The following ZNF567 variants were observed in gnomAD, a reference collection of about 807,000 sequenced individuals.
The protein encoded by ZNF567 is zinc finger protein 567.
ZNF567 carries 36 observed loss-of-function variants against 53.9 expected under a neutral mutation model. The observed-to-expected ratio is 0.67, with a 90% CI of 0.51 to 0.88. The LOEUF (loss-of-function observed/expected upper bound fraction) is 0.88. Ranked by LOEUF, ZNF567 falls within the 40% of genes least tolerant of loss-of-function variation. ZNF567 has a pLI of 0.00. For synonymous variants in ZNF567, 224 were observed against 260.4 expected (o/e 0.86, Z 1.35); for missense variants, 619 against 764.7 (o/e 0.81, Z 2.25).
chr19:36,718,312 G>A (rs1364129525), intron 5 of ZNF567, among the ~76,000 whole-genome samples: 1 of 151,932 alleles, frequency 6.6e-6, no homozygotes, highest in Non-Finnish European at 1.5e-5. Flanking sequence ...AACCTGGCCA[G>A]CATGGTGAAA....
chr19:36,714,564 TC>T (rs1282980596), intron 5 of ZNF567: 2 of 396,834 alleles, frequency 5.0e-6, no homozygotes, highest in Non-Finnish European at 8.9e-6. Context: ...TTCCTTTCCT[TC>T]ATACCACCTC....
downstream of ZNF567, chr19:36,723,184 T>G: frequency 1.4e-6 from 1 of 702,944 alleles, no homozygotes; most frequent in Non-Finnish European, 2.6e-6. Flanking sequence ...ACCTTGTTTT[T>G]CTAGGTGGAG....
Position 36,719,358 on chromosome 19 carries a change from T to C in ZNF567, c.634T>C (p.Tyr212His). 11 of 1,613,824 alleles carry C rather than the reference T, an allele frequency of 6.8e-6. No individual in the cohort carries two copies. The highest frequency in any genetic ancestry group is 9.3e-6 in the Non-Finnish European group (11 of 1,179,918). Residue 212 changes from tyrosine to histidine, a missense_variant, in exon 6 of 6, where the codon TAT (tyrosine) becomes CAT (histidine). Coordinates refer to ENST00000682579, the MANE Select transcript of ZNF567 (RefSeq NM_001322917.1). ...KTETPAQSFG[Y>H]NDCEKSFLQR... ...GGAAACTCCAGCACAGTCATTTGGATATAATGACTGTGAGAAATCATTCCT... is the reference window on the plus strand; with the variant it reads ...GGAAACTCCAGCACAGTCATTTGGACATAATGACTGTGAGAAATCATTCCT...
intron 3 of ZNF567, among the ~76,000 whole-genome samples, chr19:36,707,671 G>C (rs1438395671): frequency 1.3e-5 from 2 of 152,074 alleles, no homozygotes; most frequent in Non-Finnish European, 2.9e-5. Context: ...TCTGCCTTCC[G>C]GGTTTAAGTG....
Position 36,719,395 on chromosome 19 carries a change from G to A in ZNF567, c.671G>A (p.Gly224Asp), listed in dbSNP as rs192330763. ...DCEKSFLQRGGLITHSRPYKG... is the reference protein window; with the variant it reads ...DCEKSFLQRGDLITHSRPYKG... ...GAGAAATCATTCCTTCAAAGGGGAG[G>A]CCTGATTACACATAGTAGACCTTAC... Residue 224 changes from glycine (G) to aspartate (D), a missense_variant, in exon 6 of 6, where the codon GGC becomes GAC. Coordinates refer to ENST00000682579, the MANE Select transcript of ZNF567 (RefSeq NM_001322917.1). 2.9e-5 allele frequency: 46 copies of A among 1,613,726 alleles called. No homozygotes were observed. The Admixed American group carries it at 5.5e-4, about 19-fold the overall frequency.
At chr19:36,698,914 T>C (rs1364466619) in intron 3 of ZNF567, among the ~76,000 whole-genome samples, 1 of 152,210 alleles carries the variant, frequency 6.6e-6, no homozygotes, top group East Asian at 1.9e-4. Flanking sequence ...ATGCAGAAGC[T>C]CTTTAGTTTA....
Position 36,719,301 on chromosome 19 carries a change from C to A in ZNF567, c.577C>A (p.His193Asn). ...SHNQSARAFS[H>N]NEVLMQYQKT... ...TAATCAAAGTGCCAGAGCTTTCAGTCATAATGAAGTTCTTATGCAGTATCA... is the reference window on the plus strand; with the variant it reads ...TAATCAAAGTGCCAGAGCTTTCAGTAATAATGAAGTTCTTATGCAGTATCA... Residue 193 changes from histidine (H) to asparagine (N), a missense_variant, in exon 6 of 6, where the codon CAT (histidine) becomes AAT (asparagine). Transcript: ENST00000682579. The A allele has an allele frequency of 6.2e-7, 1 of 1,613,784 alleles. No individual in the cohort carries two copies. The highest frequency in any genetic ancestry group is 1.1e-5 in the South Asian group (1 of 90,974).
chr19:36,692,711 A>G (rs965552801), intron 2 of ZNF567, among the ~76,000 whole-genome samples: 7 of 152,190 alleles, frequency 4.6e-5, no homozygotes, highest in Non-Finnish European at 8.8e-5. Context: ...TGCTATGGTT[A>G]TGGAAGATGT....
chr19:36,713,451 CAA>C (rs34536917), intron 5 of ZNF567, among the ~76,000 whole-genome samples: 1 of 136,784 alleles, frequency 7.3e-6, no homozygotes, highest in Non-Finnish European at 1.6e-5. Context: ...GAGCCTGTCT[CAA>C]AAAAAAAAAA....
At chr19:36,674,456 C>A in the ZNF567 span, among the ~76,000 whole-genome samples, 1 of 152,114 alleles carries the variant, frequency 6.6e-6, no homozygotes, top group Non-Finnish European at 1.5e-5. Flanking sequence ...ATGTGTATGC[C>A]TTACAGATTA....
chr19:36,707,927 A>G (rs1056051176), intron 3 of ZNF567, among the ~76,000 whole-genome samples: 3 of 150,976 alleles, frequency 2.0e-5, no homozygotes, highest in Non-Finnish European at 4.4e-5. Context: ...TTTGTTTGAG[A>G]CTCTGTTGCC....
intron 3 of ZNF567, among the ~76,000 whole-genome samples, chr19:36,709,742 A>T (rs576361200): frequency 6.6e-6 from 1 of 152,214 alleles, no homozygotes; most frequent in South Asian, 2.1e-4. Context: ...CAGATTACAA[A>T]AGTAAGCCAC....
chr19:36,680,036 C>T, the ZNF567 span, among the ~76,000 whole-genome samples: 1 of 152,046 alleles, frequency 6.6e-6, no homozygotes, highest in African/African-American at 2.4e-5. Context: ...TGCTAACCAG[C>T]CTGATTTGAT....
chr19:36,680,794 ACT>A, the ZNF567 span, among the ~76,000 whole-genome samples: 2 of 152,122 alleles, frequency 1.3e-5, no homozygotes, highest in African/African-American at 4.8e-5. Context: ...TGGCCCCATC[ACT>A]GAGATTTCCA....
downstream of ZNF567, chr19:36,726,982 T>TTCTTTCTTTCTTTCTTTCTTTC (rs375360156): frequency 7.2e-5 from 4 of 55,414 alleles, no homozygotes; most frequent in South Asian, 5.8e-4. Context: ...CTTTCTTTCT[T>TTCTTTCTTTCTTTCTTTCTTTC]TTTCTTTCTT....
chr19:36,693,992 A>T (rs1382230785), intron 2 of ZNF567, among the ~76,000 whole-genome samples: 1 of 152,196 alleles, frequency 6.6e-6, no homozygotes, highest in Non-Finnish European at 1.5e-5. Context: ...GACCAGCCTG[A>T]GCAACATTGC....
rs967751255 is a variant in ZNF567, at chr19:36,695,420, T to C, written c.9+544T>C. Among the ~76,000 whole-genome samples, 9 of 151,896 alleles carry C rather than the reference T, an allele frequency of 5.9e-5. No individual in the cohort carries two copies. The East Asian group carries it at 7.7e-4, about 13-fold the overall frequency. ...GGCAGGCGCCTGTAATCCCAGCCAG[T>C]TGGGAGGCTGAGGCAAGATAATTGC... is the stretch of plus-strand genomic sequence containing the variant. On this transcript the variant is annotated intron_variant, in intron 3 of 5. Coordinates refer to ENST00000682579, the MANE Select transcript of ZNF567 (RefSeq NM_001322917.1).
At chr19:36,688,634 C>T (rs955395697) in intron 1 of ZNF567, among the ~76,000 whole-genome samples, 25 of 150,822 alleles carry the variant, frequency 1.7e-4, no homozygotes, top group African/African-American at 6.1e-4. Flanking sequence ...GGTGAAACCC[C>T]GTCTCTACTA....
At chr19:36,673,075 A>T in the ZNF567 span, among the ~76,000 whole-genome samples, 4 of 152,172 alleles carry the variant, frequency 2.6e-5, no homozygotes, top group Non-Finnish European at 4.4e-5. Flanking sequence ...ATATTAGAGT[A>T]TTTAAATATT....
Sources: gnomAD v4.1 joint callset for allele counts (sites outside exome capture counted in the v4.1 genomes callset) on GRCh38, gnomAD v4.1.1 for gene constraint, MANE v1.5 for transcripts, NCBI Gene and HGNC (gene_info 2026-07-23, HGNC 2026-07-21) for gene names.